The following SUSD2 variants were observed in gnomAD, a reference collection of about 807,000 sequenced individuals.
SUSD2 encodes the protein sushi domain containing 2, also known as sushi domain-containing protein 2.
Under a neutral mutation model 93.8 loss-of-function variants are expected in SUSD2, and 86 were observed. The observed-to-expected ratio is 0.92, with a 90% CI of 0.77 to 1.10. The LOEUF (loss-of-function observed/expected upper bound fraction) is 1.10. Among genes scored for constraint, SUSD2 ranks in the 50% least tolerant of loss-of-function variants. The pLI is 0.00. For missense variants in SUSD2, 1,060 were observed against 1,137.0 expected, an observed-to-expected ratio of 0.93 and a Z score of 0.97; for synonymous variants, 483 against 485.0, an observed-to-expected ratio of 1.00 and a Z score of 0.05.
In SUSD2 at chr22:24,188,453, G is replaced by A; in HGVS notation, c.*17G>A. 4 of 1,607,876 alleles carry A rather than the reference G, an allele frequency of 2.5e-6. No homozygotes were observed. The highest frequency in any genetic ancestry group is 3.4e-6 in the Non-Finnish European group (4 of 1,178,828). ...CAGCCCTGATGGGAGCAGCTTGGCT[G>A]TGAGCACCAGGCCAAGACTCCTGAG... is the stretch of plus-strand genomic sequence containing the variant. On this transcript the variant is annotated 3_prime_UTR_variant, in exon 15 of 15. Transcript: ENST00000358321. The surrounding 1 kb of genome is among the most constrained non-coding windows in gnomAD (Gnocchi z 4.7).
chr22:24,188,146 T>A lies in SUSD2; in HGVS notation c.2341+11T>A. On this transcript the variant is annotated intron_variant, in intron 13 of 14. Coordinates refer to ENST00000358321, the MANE Select transcript of SUSD2 (RefSeq NM_019601.4). This position sits in a 1 kb window ranked among gnomAD's most constrained non-coding sequence, Gnocchi z 4.7. ...CGAAGTGCCAGCCAGGTGAGGACAC[T>A]CTGCTCATACACCTGCCTGCACCTG... 6.2e-7 allele frequency: 1 copy of A among 1,610,484 alleles called. No homozygotes were observed. Among genetic ancestry groups the A allele is most frequent in the Non-Finnish European group, 8.5e-7 (1 of 1,178,120 alleles).
In SUSD2 at chr22:24,186,120, A is replaced by G; in HGVS notation, c.1444A>G (p.Arg482Gly). Residue 482 changes from arginine to glycine, a missense_variant, in exon 9 of 15, where the codon AGG becomes GGG. Arg to Gly is a moderately radical substitution (Grantham distance 125). Coordinates refer to ENST00000358321, the MANE Select transcript of SUSD2 (RefSeq NM_019601.4). ...VLLEAALTDL[R>G]VQARAQPGTM... ...GCTGGAGGCAGCGCTGACCGACCTG[A>G]GGGTGCAGGCGCGGGCCCAGCCCGG... 6.2e-7 allele frequency: 1 copy of G among 1,612,162 alleles called. No homozygotes were observed. Among genetic ancestry groups the G allele is most frequent in the East Asian group, 2.2e-5 (1 of 44,824 alleles).
chr22:24,184,832 C>T lies in SUSD2; in HGVS notation c.674C>T (p.Pro225Leu). ...CTGTACCCCCTGGCCACACACATCC[C>T]CAACTCCGGCTCTTTCACTTTCACC... ...SYLYPLATHI[P>L]NSGSFTFTPK... Residue 225 changes from proline (P) to leucine (L), a missense_variant, in exon 5 of 15, where the codon CCC becomes CTC. Physicochemically the swap from Pro to Leu is moderately conservative, Grantham distance 98. Coordinates refer to ENST00000358321, the MANE Select transcript of SUSD2 (RefSeq NM_019601.4). 1 of 1,613,956 alleles carries T rather than the reference C, an allele frequency of 6.2e-7. No homozygotes were observed. The highest frequency in any genetic ancestry group is 1.3e-5 in the African/African-American group (1 of 75,030).
chr22:24,186,428 G>T lies in SUSD2; in HGVS notation c.1642+13G>T. 10 of 1,611,798 alleles carry T rather than the reference G, an allele frequency of 6.2e-6. No individual in the cohort carries two copies. The highest frequency in any genetic ancestry group is 8.5e-6 in the Non-Finnish European group (10 of 1,179,452). ...ATGGACCTGAAAGGTGAGCAGTCCA[G>T]CCACGCGAGGCTGCGGGCTGCCCTC... On this transcript the variant is annotated intron_variant, in intron 10 of 14. Coordinates refer to ENST00000358321, the MANE Select transcript of SUSD2 (RefSeq NM_019601.4).
In SUSD2 at chr22:24,187,570, G is replaced by C; in HGVS notation, c.1892-1G>C. The C allele has an allele frequency of 6.2e-7, 1 of 1,609,406 alleles. No homozygotes were observed. Among genetic ancestry groups the C allele is most frequent in the Non-Finnish European group, 8.5e-7 (1 of 1,176,732 alleles). On this transcript the variant is annotated splice_acceptor_variant, in intron 11 of 14. Transcript: ENST00000358321. LOFTEE classifies it high-confidence loss of function. ...CCAGGCCCCGGTCATGTATCTTCCA[G>C]GGACCGTGCACAATGCGTCCTCCCT...
Position 24,186,089 on chromosome 22 carries a change from C to A in SUSD2, c.1413C>A (p.Tyr471Ter). ...TNFTFNGRGE[Y>*]VLLEAALTDL... The stretch of plus-strand genomic sequence containing the variant: ...TCACATTCAATGGGCGCGGAGAGTA[C>A]GTGCTGCTGGAGGCAGCGCTGACCG... Residue 471 changes from tyrosine to a stop codon, truncating the protein, a stop_gained, in exon 9 of 15, where the codon TAC becomes TAA. Transcript: ENST00000358321. LOFTEE classifies it high-confidence loss of function. The A allele has an allele frequency of 6.2e-7, 1 of 1,612,720 alleles. No homozygotes were observed. The highest frequency in any genetic ancestry group is 8.5e-7 in the Non-Finnish European group (1 of 1,179,736).
In SUSD2 at chr22:24,183,520, G is replaced by A. The variant is rs750589882; in HGVS notation, c.313G>A (p.Gly105Ser). The change falls in exon 3 of 15, where the codon GGC becomes AGC. Residue 105 changes from glycine (G) to serine (S), a missense_variant. Physicochemically the swap from Gly to Ser is moderately conservative, Grantham distance 56. Coordinates refer to ENST00000358321, the MANE Select transcript of SUSD2 (RefSeq NM_019601.4). ...GTTTAAGGACAGCATCCAGACCCTC[G>A]GCCATGTGGACTCCTCCGGGCAAGT... is the stretch of plus-strand genomic sequence containing the variant. ...CRFKDSIQTL[G>S]HVDSSGQVHC... 5.6e-6 allele frequency: 9 copies of A among 1,612,770 alleles called. No individual in the cohort carries two copies. The highest frequency in any genetic ancestry group is 5.9e-6 in the Non-Finnish European group (7 of 1,179,956).
Position 24,188,228 on chromosome 22 carries a change from G to T in SUSD2, c.2345G>T (p.Arg782Leu), listed in dbSNP as rs1015288858. The change falls in exon 14 of 15, where the codon CGC (arginine) becomes CTC (leucine). Residue 782 changes from arginine to leucine, a missense_variant. By Grantham distance (102) the Arg-to-Leu change is moderately radical. Transcript: ENST00000358321. The surrounding 1 kb of genome is among the most constrained non-coding windows in gnomAD (Gnocchi z 4.7). Reference protein sequence around the residue: ...SSPTPKCQPGRSYAVLLGIIF... With the variant: ...SSPTPKCQPGLSYAVLLGIIF... ...CTGACACTCGCTCCCTCACCAGGAC[G>T]CAGCTACGCGGTGCTGTTGGGCATC... 1 of 1,593,760 alleles carries T rather than the reference G, an allele frequency of 6.3e-7. No individual in the cohort carries two copies. Among genetic ancestry groups the T allele is most frequent in the South Asian group, 1.1e-5 (1 of 88,750 alleles).
intron 1 of SUSD2, 141 bp from the exon 2 acceptor site, chr22:24,182,916 G>A (rs2047333522): frequency 4.6e-6 from 3 of 650,176 alleles, no homozygotes; most frequent in Non-Finnish European, 7.9e-6. Flanking sequence ...TGTCCACCTG[G>A]TGGCCTGTGC....
Position 24,186,131 on chromosome 22 carries a change from G to A in SUSD2, c.1455G>A (p.Ala485=), listed in dbSNP as rs539884627. The change falls in exon 9 of 15, where the codon GCG becomes GCA. Residue 485 remains alanine, a synonymous_variant. Coordinates refer to ENST00000358321, the MANE Select transcript of SUSD2 (RefSeq NM_019601.4). ...EAALTDLRVQ[A]RAQPGTMSNG... Reference sequence around the variant, plus strand: ...CGCTGACCGACCTGAGGGTGCAGGCGCGGGCCCAGCCCGGGACGATGTCCA... The same window carrying A: ...CGCTGACCGACCTGAGGGTGCAGGCACGGGCCCAGCCCGGGACGATGTCCA... 2.0e-5 allele frequency: 32 copies of A among 1,611,292 alleles called. No individual in the cohort carries two copies. The highest frequency in any genetic ancestry group is 9.3e-5 in the African/African-American group (7 of 75,030).
At chr22:24,184,423 G>C in intron 4 of SUSD2, 120 bp downstream of exon 4, 3 of 1,091,970 alleles carry the variant, frequency 2.7e-6, no homozygotes, top group Non-Finnish European at 3.9e-6. Context: ...GGAGGGAAGG[G>C]AATTCCAGGC....
At position 24,183,647 on chromosome 22, in the gene SUSD2, G is replaced by T; in HGVS notation, c.439+1G>T. 6.2e-7 allele frequency: 1 copy of T among 1,610,062 alleles called. No individual in the cohort carries two copies. The highest frequency in any genetic ancestry group is 1.1e-5 in the South Asian group (1 of 91,024). ...CCTCGTGCGGGCACCTGGCTGGCTGGTGAGCCCTCCTCCCTGCCCACAGCC... is the reference window on the plus strand; with the variant it reads ...CCTCGTGCGGGCACCTGGCTGGCTGTTGAGCCCTCCTCCCTGCCCACAGCC... On this transcript the variant is annotated splice_donor_variant, in intron 3 of 14. Coordinates refer to ENST00000358321, the MANE Select transcript of SUSD2 (RefSeq NM_019601.4). LOFTEE classifies it high-confidence loss of function.
Position 24,187,994 on chromosome 22 carries a change from G to A in SUSD2, c.2200G>A (p.Gly734Arg), listed in dbSNP as rs369161664. The change falls in exon 13 of 15, where the codon GGA becomes AGA. Residue 734 changes from glycine (G) to arginine (R), a missense_variant. Around this residue, in one of 2 missense-constraint regions of SUSD2, gnomAD observed 973 missense variants for 1,005.3 expected, o/e 0.97. Coordinates refer to ENST00000358321, the MANE Select transcript of SUSD2 (RefSeq NM_019601.4). Reference protein sequence around the residue: ...SCGWLAPPPNGQKEGNRYLAG... With the variant: ...SCGWLAPPPNRQKEGNRYLAG... The stretch of plus-strand genomic sequence containing the variant: ...TGGCTGGCTGGCCCCACCTCCCAAC[G>A]GACAAAAGGAGGGCAACAGGTACCT... 3.6e-5 allele frequency: 58 copies of A among 1,612,880 alleles called. No homozygotes were observed. The highest frequency in any genetic ancestry group is 8.8e-5 in the South Asian group (8 of 91,086).
At chr22:24,182,713 C>T (rs1057217435) in intron 1 of SUSD2, 10 of 250,906 alleles carry the variant, frequency 4.0e-5, no homozygotes, top group African/African-American at 6.7e-5. Flanking sequence ...CCACTGAGGA[C>T]CCCTGCCTGT....
intron 3 of SUSD2, 132 bp downstream of exon 3, chr22:24,183,778 C>T: frequency 1.9e-6 from 2 of 1,036,838 alleles, no homozygotes; most frequent in Non-Finnish European, 2.7e-6. Flanking sequence ...GCCTGCCCGC[C>T]TGCGAGAGTT....
chr22:24,187,555 G>T lies in SUSD2; in HGVS notation c.1892-16G>T. 3 of 1,605,224 alleles carry T rather than the reference G, an allele frequency of 1.9e-6. No homozygotes were observed. Among genetic ancestry groups the T allele is most frequent in the Non-Finnish European group, 2.6e-6 (3 of 1,173,798 alleles). On this transcript the variant is annotated splice_polypyrimidine_tract_variant and intron_variant, in intron 11 of 14. Transcript: ENST00000358321. The stretch of plus-strand genomic sequence containing the variant: ...GGGAGCCATGCCCAGCCAGGCCCCG[G>T]TCATGTATCTTCCAGGGACCGTGCA...
In SUSD2 at chr22:24,185,947, C is replaced by T. The variant is rs750748973; in HGVS notation, c.1339+18C>T. On this transcript the variant is annotated intron_variant, in intron 8 of 14. Coordinates refer to ENST00000358321, the MANE Select transcript of SUSD2 (RefSeq NM_019601.4). ...AAGACTGGGTGGGTGCCATCCCGTG[C>T]CCCAGACCCTGGGAAAGATCGGGCT... 2.5e-6 allele frequency: 4 copies of T among 1,569,814 alleles called. No individual in the cohort carries two copies. Among genetic ancestry groups the T allele is most frequent in the Non-Finnish European group, 3.5e-6 (4 of 1,153,674 alleles).
In SUSD2 at chr22:24,185,793, C is replaced by G; in HGVS notation, c.1203C>G (p.Pro401=). The change falls in exon 8 of 15, where the codon CCC becomes CCG. Residue 401 remains proline, a synonymous_variant. Transcript: ENST00000358321. ...GCGCACCCCCGTTCCGCACGCCACC[C>G]CGAGTGCCCAGCATGTCCCACTGGC... The part of the protein sequence containing the change: ...DWGAPPFRTP[P]RVPSMSHWLY... The G allele has an allele frequency of 1.2e-6, 2 of 1,610,602 alleles. No homozygotes were observed. Among genetic ancestry groups the G allele is most frequent in the Non-Finnish European group, 8.5e-7 (1 of 1,178,922 alleles).
At chr22:24,181,958 G>A (rs1327846809) in intron 1 of SUSD2, among the ~76,000 whole-genome samples, 1 of 152,192 alleles carries the variant, frequency 6.6e-6, no homozygotes, top group African/African-American at 2.4e-5. Flanking sequence ...CCGAACTCCA[G>A]AACCAGGACA....
Sources: gnomAD v4.1 joint callset for allele counts (sites outside exome capture counted in the v4.1 genomes callset) on GRCh38, gnomAD v4.1.1 for gene constraint, gnomAD v4.1.1 regional missense constraint, Gnocchi (gnomAD v3.1) non-coding constraint, MANE v1.5 for transcripts, NCBI Gene and HGNC (gene_info 2026-07-23, HGNC 2026-07-21) for gene names.